The following ERC1 variants were observed in gnomAD, a reference collection of about 807,000 sequenced individuals.
The protein encoded by ERC1 is RAB6 interacting protein 2.
In ERC1, 56 loss-of-function variants were observed where a neutral mutation model predicts 132.0. That is an observed-to-expected ratio of 0.42 (90% CI 0.34 to 0.53). ERC1 has a LOEUF of 0.53. ERC1 is among the 20% of genes least tolerant of loss of function. The pLI is 0.03. For missense variants in ERC1, 1,202 were observed against 1,349.9 expected (o/e 0.89, Z 1.72); for synonymous variants, 478 against 476.1 (o/e 1.00, Z -0.05).
intron 12 of ERC1, among the ~76,000 whole-genome samples, chr12:1,228,971 C>T (rs1265076861): frequency 2.6e-5 from 4 of 152,058 alleles, no homozygotes; most frequent in African/African-American, 9.7e-5. Flanking sequence ...CTGTAATTTT[C>T]TTTTCTTATA....
Position 1,493,930 on chromosome 12 carries a change from C to T in ERC1, c.*3700C>T, listed in dbSNP as rs924686266. On this transcript the variant is annotated 3_prime_UTR_variant, in exon 19 of 19. Coordinates refer to ENST00000360905, the MANE Select transcript of ERC1 (RefSeq NM_178040.4). ...GTTGTGAGGCAACCATCATGTGTCA[C>T]CCCAAAATATAAATGTTTCTGAGCC... 3 of 231,530 alleles carry T rather than the reference C, an allele frequency of 1.3e-5. No individual in the cohort carries two copies. Among genetic ancestry groups the T allele is most frequent in the African/African-American group, 6.6e-5 (3 of 45,156 alleles). 14.3% of individuals were successfully genotyped at this position (231,530 alleles called of 1,614,324 possible). A position where few individuals can be genotyped will look rare whatever the true frequency, so the allele number is the denominator to read the frequency against.
chr12:1,236,888 G>C lies in ERC1; in HGVS notation c.2471G>C (p.Ser824Thr). The change falls in exon 13 of 19, where the codon AGC becomes ACC. Residue 824 changes from serine to threonine, a missense_variant. By Grantham distance (58) the Ser-to-Thr change is moderately conservative. Coordinates refer to ENST00000360905, the MANE Select transcript of ERC1 (RefSeq NM_178040.4). Reference protein sequence around the residue: ...ARRREDNLNDSSQQLQDSLRK... With the variant: ...ARRREDNLNDTSQQLQDSLRK... ...CGACGGGAGGACAATCTCAACGACA[G>C]CTCTCAGCAGCTACAGGTTAGAACA... 1.2e-6 allele frequency: 2 copies of C among 1,614,010 alleles called. No individual in the cohort carries two copies. The highest frequency in any genetic ancestry group is 1.3e-5 in the African/African-American group (1 of 75,064).
chr12:1,195,172 G>A (rs918326470), intron 12 of ERC1, among the ~76,000 whole-genome samples: 1 of 152,022 alleles, frequency 6.6e-6, no homozygotes, highest in African/African-American at 2.4e-5. Flanking sequence ...TTTGAGCTTT[G>A]ACAAATCTAT....
chr12:1,054,113 T>C lies in ERC1; in HGVS notation c.669+25541T>C, dbSNP rs1309306591. 5.9e-5 allele frequency among the ~76,000 whole-genome samples: 9 copies of C among 152,366 alleles called. No individual in the cohort carries two copies. The East Asian group carries it at 1.7e-3, about 29-fold the overall frequency. ...ATTTTTATAACTGGATTTCCTATAT[T>C]TGTGGATAAGAATTCCAAAACTAAC... On this transcript the variant is annotated intron_variant, in intron 2 of 18. Coordinates refer to ENST00000360905, the MANE Select transcript of ERC1 (RefSeq NM_178040.4).
chr12:1,016,697 T>C (rs964691687), intron 1 of ERC1, among the ~76,000 whole-genome samples: 1 of 149,130 alleles, frequency 6.7e-6, no homozygotes, highest in Non-Finnish European at 1.5e-5. Flanking sequence ...CAGGCTGGAG[T>C]GCAGTGGTGC....
intron 3 of ERC1, among the ~76,000 whole-genome samples, chr12:1,096,102 GTT>G (rs978855782): frequency 6.6e-6 from 1 of 151,838 alleles, no homozygotes; most frequent in Non-Finnish European, 1.5e-5. Flanking sequence ...AGTTTTATGT[GTT>G]TTTCATAGAG....
chr12:1,256,414 A>G (rs1356616116), intron 13 of ERC1, among the ~76,000 whole-genome samples: 1 of 125,822 alleles, frequency 7.9e-6, no homozygotes, highest in African/African-American at 3.3e-5. Context: ...TTTCGTTCTC[A>G]GACTAAAAAA....
chr12:1,226,629 CT>C (rs1299929373), intron 12 of ERC1, among the ~76,000 whole-genome samples: 1 of 152,204 alleles, frequency 6.6e-6, no homozygotes, highest in East Asian at 1.9e-4. Context: ...TCTCTGAGTT[CT>C]GTGAATTTGA....
intron 17 of ERC1, among the ~76,000 whole-genome samples, chr12:1,430,046 C>A (rs2092747153): frequency 6.6e-6 from 1 of 152,172 alleles, no homozygotes; most frequent in Non-Finnish European, 1.5e-5. Context: ...CTAAAACCTT[C>A]CCTGGGGATA....
chr12:1,473,634 A>T (rs2093912628), intron 18 of ERC1, among the ~76,000 whole-genome samples: 1 of 150,858 alleles, frequency 6.6e-6, no homozygotes, highest in Admixed American at 6.6e-5. Flanking sequence ...TATCTCAAAA[A>T]AAAAAAAAAA....
intron 12 of ERC1, among the ~76,000 whole-genome samples, chr12:1,201,554 G>A (rs1000757979): frequency 1.3e-5 from 2 of 152,074 alleles, no homozygotes; most frequent in Non-Finnish European, 2.9e-5. Flanking sequence ...GACCAAAAAC[G>A]GTTTCTTTTG....
chr12:1,490,020 G>A (rs1165330748), intron 18 of ERC1, 73 bp from the exon 19 acceptor site: 8 of 1,511,096 alleles, frequency 5.3e-6, no homozygotes, highest in Non-Finnish European at 7.2e-6. Context: ...GTCATTTATT[G>A]ATGAAAAATA....
chr12:1,403,948 TTTC>T (rs1456997151), intron 16 of ERC1, among the ~76,000 whole-genome samples: 1 of 152,246 alleles, frequency 6.6e-6, no homozygotes, highest in Non-Finnish European at 1.5e-5. Context: ...GCCTCTTTCC[TTTC>T]TTCTATTTTC....
chr12:1,385,274 C>T (rs999455834), intron 16 of ERC1, among the ~76,000 whole-genome samples: 2 of 152,038 alleles, frequency 1.3e-5, no homozygotes, highest in Non-Finnish European at 2.9e-5. Context: ...TCGCAATTAC[C>T]TTCCTATCTT....
chr12:1,054,835 G>A (rs564548300), intron 2 of ERC1, among the ~76,000 whole-genome samples: 4 of 152,272 alleles, frequency 2.6e-5, no homozygotes, highest in Non-Finnish European at 4.4e-5. Context: ...AGAGAAATAT[G>A]CATTTGAGTT....
chr12:1,180,775 GA>G, intron 9 of ERC1, 98 bp downstream of exon 9: 1 of 1,422,228 alleles, frequency 7.0e-7, no homozygotes, highest in Admixed American at 1.9e-5. Context: ...GGGCACAAGG[GA>G]AAAGAGCTGC....
rs560643827 is a variant in ERC1, at chr12:1,166,454, C to T, written c.1738-14086C>T. Among the ~76,000 whole-genome samples, 14 of 152,276 alleles carry T rather than the reference C, an allele frequency of 9.2e-5. No homozygotes were observed. In the South Asian group the frequency reaches 2.9e-3, roughly 32 times the overall value. On this transcript the variant is annotated intron_variant, in intron 8 of 18. Coordinates refer to ENST00000360905, the MANE Select transcript of ERC1 (RefSeq NM_178040.4). ...TTCCCAGTCTCAGATATGTCTTTAT[C>T]AGCAGCATGAAAATGGACAAATACA...
chr12:1,227,089 A>C (rs2074638225), intron 12 of ERC1, among the ~76,000 whole-genome samples: 2 of 152,200 alleles, frequency 1.3e-5, no homozygotes, highest in Non-Finnish European at 2.9e-5. Context: ...TATCGTGACT[A>C]ATACTGCAGT....
At chr12:1,358,689 C>T (rs891259208) in intron 15 of ERC1, among the ~76,000 whole-genome samples, 6 of 152,162 alleles carry the variant, frequency 3.9e-5, no homozygotes, top group African/African-American at 1.4e-4. Flanking sequence ...CTCTCCACAG[C>T]CGCTGACCTA....
Sources: allele counts gnomAD v4.1 joint callset (sites outside exome capture counted in the v4.1 genomes callset), GRCh38; gene constraint gnomAD v4.1.1; transcripts MANE v1.5; gene names NCBI Gene and HGNC (gene_info 2026-07-23, HGNC 2026-07-21).